The following CNNM4 variants were observed in gnomAD, a reference collection of about 807,000 sequenced individuals.
The protein encoded by CNNM4 is cyclin and CBS domain divalent metal cation transport mediator 4, also known as metal transporter CNNM4.
A neutral mutation model predicts 53.7 loss-of-function variants in CNNM4; 32 were observed. That is an observed-to-expected ratio of 0.60 (90% CI 0.45 to 0.80). The LOEUF (loss-of-function observed/expected upper bound fraction) is 0.80. CNNM4 is among the 30% of genes least tolerant of loss of function. CNNM4 has a pLI of 0.00. For synonymous variants in CNNM4, 410 were observed against 440.0 expected (o/e 0.93, Z 0.85); for missense variants, 784 against 1,022.0 (o/e 0.77, Z 3.17).
rs2079153055 is a variant in CNNM4 at position 96,801,007 on chromosome 2, T to C, written c.1948+1359T>C. The stretch of plus-strand genomic sequence containing the variant: ...GGCCCCGTCAGGTCTGCCTCTGTCC[T>C]GTGCCTGTGGTTCCGTGTCCTGTCT... On this transcript the variant is annotated intron_variant, in intron 5 of 6. Coordinates refer to ENST00000377075, the MANE Select transcript of CNNM4 (RefSeq NM_020184.4). This position sits in a 1 kb window ranked among gnomAD's most constrained non-coding sequence, Gnocchi z 5.6. The C allele has an allele frequency of 1.2e-5, 9 of 773,494 alleles. No individual in the cohort carries two copies. Among genetic ancestry groups the C allele is most frequent in the Non-Finnish European group, 1.4e-5 (9 of 636,692 alleles). 47.9% of individuals were successfully genotyped at this position (773,494 alleles called of 1,614,324 possible).
At chr2:96,794,975 T>C (rs1470414602) in intron 1 of CNNM4, among the ~76,000 whole-genome samples, 1 of 152,226 alleles carries the variant, frequency 6.6e-6, no homozygotes, top group Non-Finnish European at 1.5e-5. Flanking sequence ...AACATGATGC[T>C]CAAAAGAAAT....
rs761941296 is a variant in CNNM4 at position 96,761,671 on chromosome 2, G to C, written c.672G>C (p.Lys224Asn). ...LRIVQNCGTE[K>N]ERRYARKIEP... The stretch of plus-strand genomic sequence containing the variant: ...TCGTGCAGAACTGTGGCACCGAGAA[G>C]GAGAGGCGCTATGCCCGCAAGATTG... The change falls in exon 1 of 7, where the codon AAG becomes AAC. Residue 224 changes from lysine to asparagine, a missense_variant. By Grantham distance (94) the Lys-to-Asn change is moderately conservative (BLOSUM62 0). Coordinates refer to ENST00000377075, the MANE Select transcript of CNNM4 (RefSeq NM_020184.4). The surrounding 1 kb of genome is among the most constrained non-coding windows in gnomAD (Gnocchi z 6.0). The C allele has an allele frequency of 1.2e-6, 2 of 1,611,224 alleles. No homozygotes were observed. The highest frequency in any genetic ancestry group is 1.7e-6 in the Non-Finnish European group (2 of 1,180,018).
intron 1 of CNNM4, among the ~76,000 whole-genome samples, chr2:96,767,516 G>T (rs2078829461): frequency 6.6e-6 from 1 of 152,174 alleles, no homozygotes; most frequent in African/African-American, 2.4e-5. Context: ...AGAGGGCAGA[G>T]CTCTGCACCC....
intron 1 of CNNM4, among the ~76,000 whole-genome samples, chr2:96,794,572 C>T (rs971819356): frequency 6.6e-6 from 1 of 152,194 alleles, no homozygotes; most frequent in Non-Finnish European, 1.5e-5. Context: ...GCTGTGGCCC[C>T]TTTTGAGTCC....
rs2079254894 is a variant in CNNM4 at position 96,811,226 on chromosome 2, C to T, written c.*1709C>T. 6.6e-6 allele frequency: 1 copy of T among 152,230 alleles called. No individual in the cohort carries two copies. Among genetic ancestry groups the T allele is most frequent in the Non-Finnish European group, 1.5e-5 (1 of 68,054 alleles). The allele number at this position is 152,230 out of a possible 1,614,324, so 9.4% of individuals were successfully genotyped here. ...GAAGGTGGTGACACCCATGGGTTCTCAACTGTAAGGAAAAAAGACACCAGA... is the reference window on the plus strand; with the variant it reads ...GAAGGTGGTGACACCCATGGGTTCTTAACTGTAAGGAAAAAAGACACCAGA... On this transcript the variant is annotated 3_prime_UTR_variant, in exon 7 of 7. Coordinates refer to ENST00000377075, the MANE Select transcript of CNNM4 (RefSeq NM_020184.4).
chr2:96,771,829 T>G (rs2078872459), intron 1 of CNNM4, among the ~76,000 whole-genome samples: 1 of 152,176 alleles, frequency 6.6e-6, no homozygotes, highest in Non-Finnish European at 1.5e-5. Flanking sequence ...CCATCATCCT[T>G]TCGGAGTCTC....
chr2:96,805,172 G>A (rs1344888480), intron 5 of CNNM4, among the ~76,000 whole-genome samples: 1 of 151,862 alleles, frequency 6.6e-6, no homozygotes, highest in Non-Finnish European at 1.5e-5. Context: ...CTTAATCAGA[G>A]ATGTTACTCA....
At chr2:96,802,616 G>T (rs924173265) in intron 5 of CNNM4, among the ~76,000 whole-genome samples, 1 of 152,356 alleles carries the variant, frequency 6.6e-6, no homozygotes, top group South Asian at 2.1e-4. Flanking sequence ...TGGGAACAAT[G>T]CGTGTACCCC....
intron 5 of CNNM4, among the ~76,000 whole-genome samples, chr2:96,805,313 A>G (rs1276916323): frequency 6.6e-6 from 1 of 151,202 alleles, no homozygotes; most frequent in Non-Finnish European, 1.5e-5. Context: ...AAACTAGGAA[A>G]CTGTAGTTTC....
intron 1 of CNNM4, among the ~76,000 whole-genome samples, chr2:96,764,330 C>T (rs1384862413): frequency 1.3e-5 from 2 of 152,142 alleles, no homozygotes; most frequent in Admixed American, 1.3e-4. Context: ...CTCTGCTGAG[C>T]CAGAGTCCCC....
chr2:96,802,614 A>T (rs2079169315), intron 5 of CNNM4, among the ~76,000 whole-genome samples: 1 of 152,248 alleles, frequency 6.6e-6, no homozygotes, highest in African/African-American at 2.4e-5. Flanking sequence ...AATGGGAACA[A>T]TGCGTGTACC....
Position 96,800,837 on chromosome 2 carries a change from T to G in CNNM4, c.1948+1189T>G, listed in dbSNP as rs999315109. 1.3e-5 allele frequency among the ~76,000 whole-genome samples: 2 copies of G among 152,004 alleles called. No individual in the cohort carries two copies. The highest frequency in any genetic ancestry group is 4.8e-5 in the African/African-American group (2 of 41,278). On this transcript the variant is annotated intron_variant, in intron 5 of 6. Transcript: ENST00000377075. The surrounding 1 kb of genome is among the most constrained non-coding windows in gnomAD (Gnocchi z 4.6). ...ATAGTCTCTCTGTTCCCACTTGGTG[T>G]GGCCAGAAGAGAGGGGAGATGACTG...
At chr2:96,791,119 C>CAA (rs796162631) in intron 1 of CNNM4, among the ~76,000 whole-genome samples, 43 of 74,352 alleles carry the variant, frequency 5.8e-4, no homozygotes, top group Non-Finnish European at 4.7e-4. Flanking sequence ...GACTCTGTCT[C>CAA]AAAAAAAAAA....
chr2:96,770,344 T>C (rs892774939), intron 1 of CNNM4, among the ~76,000 whole-genome samples: 1 of 152,156 alleles, frequency 6.6e-6, no homozygotes, highest in African/African-American at 2.4e-5. Context: ...ACCTTGAAAA[T>C]GGGTGAATAC....
At chr2:96,796,944 T>C (rs2079109339) in intron 1 of CNNM4, 68 bp from the exon 2 acceptor site, 5 of 1,527,752 alleles carry the variant, frequency 3.3e-6, no homozygotes, top group Non-Finnish European at 4.5e-6. Context: ...CTAGAGTTAA[T>C]GTTTTGGTTG....
intron 1 of CNNM4, among the ~76,000 whole-genome samples, chr2:96,771,404 A>C (rs1444790208): frequency 6.6e-6 from 1 of 151,972 alleles, no homozygotes; most frequent in Non-Finnish European, 1.5e-5. Flanking sequence ...CAAAACAAAA[A>C]CCTTATAACA....
chr2:96,780,586 C>T (rs939100672), intron 1 of CNNM4, among the ~76,000 whole-genome samples: 2 of 152,164 alleles, frequency 1.3e-5, no homozygotes, highest in East Asian at 1.9e-4. Context: ...AACCAACAGA[C>T]TCTGTGTATG....
chr2:96,771,306 T>A (rs1188225801), intron 1 of CNNM4, among the ~76,000 whole-genome samples: 1 of 152,112 alleles, frequency 6.6e-6, no homozygotes, highest in African/African-American at 2.4e-5. Context: ...TTTTTTTTTT[T>A]TTATTTTGTT....
At chr2:96,782,031 CTGAT>C (rs1428080453) in intron 1 of CNNM4, among the ~76,000 whole-genome samples, 2 of 152,170 alleles carry the variant, frequency 1.3e-5, no homozygotes, top group African/African-American at 4.8e-5. Context: ...CTGAAATACA[CTGAT>C]TGATTTTTTA....
Sources: gnomAD v4.1 joint callset for allele counts (sites outside exome capture counted in the v4.1 genomes callset) on GRCh38, gnomAD v4.1.1 for gene constraint, Gnocchi (gnomAD v3.1) non-coding constraint, MANE v1.5 for transcripts, NCBI Gene and HGNC (gene_info 2026-07-23, HGNC 2026-07-21) for gene names.